UTRN: variants seen among roughly 807,000 people sequenced by gnomAD.
UTRN encodes dystrophin-related protein 1.
In UTRN, 283 loss-of-function variants were observed where a neutral mutation model predicts 463.9. The observed-to-expected ratio is 0.61, with a 90% CI of 0.55 to 0.67. The LOEUF (loss-of-function observed/expected upper bound fraction) is 0.67. Ranked by LOEUF, UTRN falls within the 30% of genes least tolerant of loss-of-function variation. UTRN has a pLI of 0.00. For synonymous variants in UTRN, 1,442 were observed against 1,431.5 expected, an observed-to-expected ratio of 1.01 and a Z score of -0.17; for missense variants, 3,922 against 4,084.3, an observed-to-expected ratio of 0.96 and a Z score of 1.08.
chr6:144,662,716 G>A (rs1373023271), intron 51 of UTRN, among the ~76,000 whole-genome samples: 1 of 152,200 alleles, frequency 6.6e-6, no homozygotes, highest in East Asian at 1.9e-4. Context: ...GCCAACAGCT[G>A]AGCAGCAGGC....
At chr6:144,545,962 G>T (rs1264179741) in intron 46 of UTRN, among the ~76,000 whole-genome samples, 1 of 152,204 alleles carries the variant, frequency 6.6e-6, no homozygotes, top group African/African-American at 2.4e-5. Context: ...GGAGGTTGCA[G>T]TGACCCAAGA....
Position 144,448,647 on chromosome 6 carries a change from G to T in UTRN, c.1950G>T (p.Lys650Asn). 1 of 1,613,938 alleles carries T rather than the reference G, an allele frequency of 6.2e-7. No individual in the cohort carries two copies. The highest frequency in any genetic ancestry group is 2.2e-5 in the East Asian group (1 of 44,866). Reference protein sequence around the residue: ...AKLGMSQIPQKDLLETVRVRE... With the variant: ...AKLGMSQIPQNDLLETVRVRE... ...TGGGGATGTCTCAGATTCCTCAGAA[G>T]GACCTTTTGGAGACTGTTCGTGTAA... The change falls in exon 17 of 75, where the codon AAG becomes AAT. Residue 650 changes from lysine to asparagine, a missense_variant. Coordinates refer to ENST00000367545, the MANE Select transcript of UTRN (RefSeq NM_007124.3).
At chr6:144,691,560 A>T (rs2128692693) in intron 52 of UTRN, among the ~76,000 whole-genome samples, 1 of 151,994 alleles carries the variant, frequency 6.6e-6, no homozygotes, top group East Asian at 1.9e-4. Context: ...CTCTTTTCAG[A>T]CTCCATTAAT....
intron 44 of UTRN, 129 bp downstream of exon 44, chr6:144,537,846 A>C (rs1797665709): frequency 1.6e-6 from 2 of 1,285,088 alleles, no homozygotes; most frequent in Non-Finnish European, 2.1e-6. Flanking sequence ...GGTGAACCTG[A>C]AAGAGGAATA....
intron 51 of UTRN, among the ~76,000 whole-genome samples, chr6:144,666,342 A>C (rs910413589): frequency 6.6e-6 from 1 of 152,120 alleles, no homozygotes; most frequent in Non-Finnish European, 1.5e-5. Context: ...AAGTTCCCCC[A>C]TTAAACTTTT....
chr6:144,714,260 T>A (rs1208377910), intron 53 of UTRN, among the ~76,000 whole-genome samples: 1 of 152,228 alleles, frequency 6.6e-6, no homozygotes, highest in East Asian at 1.9e-4. Context: ...CTGTAATGAC[T>A]TCAGATCCAT....
chr6:144,751,704 A>G (rs2128723620), intron 55 of UTRN, 102 bp from the exon 56 acceptor site: 2 of 1,151,972 alleles, frequency 1.7e-6, no homozygotes, highest in Non-Finnish European at 2.3e-6. Flanking sequence ...ATCTGTGCAT[A>G]TGTGAACCCA....
chr6:144,810,576 C>G (rs1378296640), intron 65 of UTRN, among the ~76,000 whole-genome samples: 1 of 151,584 alleles, frequency 6.6e-6, no homozygotes, highest in Admixed American at 6.6e-5. Context: ...TGAAATAGAG[C>G]AAGGTAATGG....
At chr6:144,649,306 G>A (rs1482565529) in intron 51 of UTRN, among the ~76,000 whole-genome samples, 1 of 152,212 alleles carries the variant, frequency 6.6e-6, no homozygotes, top group Non-Finnish European at 1.5e-5. Context: ...ATGCCTGGTA[G>A]GTAGGATAAG....
intron 57 of UTRN, among the ~76,000 whole-genome samples, chr6:144,756,907 G>C (rs1212718941): frequency 6.6e-6 from 1 of 151,974 alleles, no homozygotes; most frequent in Non-Finnish European, 1.5e-5. Context: ...CTATCAAATG[G>C]AACTTTAACG....
intron 61 of UTRN, among the ~76,000 whole-genome samples, chr6:144,785,586 C>T (rs1213216573): frequency 1.3e-5 from 2 of 151,352 alleles, no homozygotes; most frequent in Non-Finnish European, 2.9e-5. Context: ...TACCCACCTC[C>T]TGATATTCTG....
intron 4 of UTRN, 98 bp from the exon 5 acceptor site, chr6:144,423,451 T>C: frequency 6.5e-6 from 8 of 1,232,998 alleles, no homozygotes; most frequent in Non-Finnish European, 9.4e-6. Flanking sequence ...AGGGGCCCTG[T>C]ACGCTGAGCT....
chr6:144,372,549 C>T (rs751790548), intron 2 of UTRN, among the ~76,000 whole-genome samples: 4 of 151,830 alleles, frequency 2.6e-5, no homozygotes, highest in Non-Finnish European at 1.5e-5. Context: ...GACTGGAGTG[C>T]AGTGGTGTGA....
chr6:144,548,953 A>G lies in UTRN; in HGVS notation c.6810+99A>G, dbSNP rs926945841. 575 of 1,263,444 alleles carry G rather than the reference A, an allele frequency of 4.6e-4. 3 individuals are homozygous for G. The highest frequency in any genetic ancestry group is 6.8e-4 in the East Asian group (27 of 39,848). 78.3% of individuals were successfully genotyped at this position (1,263,444 alleles called of 1,614,324 possible). ...TTTGTTTATCCTAAACTATGAGAGA[A>G]TGAGGTTTAAAAAATTCTGTATCTG... On this transcript the variant is annotated intron_variant, in intron 47 of 74. Transcript: ENST00000367545.
In UTRN at chr6:144,458,923, T is replaced by G. The variant is rs779651859; in HGVS notation, c.2438T>G (p.Val813Gly). ...YFKQLDELEK[V>G]IKTKEEWVKH... ...AAGCAGCTTGATGAGCTTGAAAAGG[T>G]CATCAAGACAAAGGAGGAGTGGGTA... Residue 813 changes from valine to glycine, a missense_variant, in exon 20 of 75, where the codon GTC becomes GGC. By Grantham distance (109) the Val-to-Gly change is moderately radical. Coordinates refer to ENST00000367545, the MANE Select transcript of UTRN (RefSeq NM_007124.3). The G allele has an allele frequency of 5.6e-6, 9 of 1,613,814 alleles. No homozygotes were observed. Among genetic ancestry groups the G allele is most frequent in the Non-Finnish European group, 6.8e-6 (8 of 1,179,950 alleles).
chr6:144,731,638 TA>T lies in UTRN; in HGVS notation c.7939+1154del, dbSNP rs569815868. Among the ~76,000 whole-genome samples, 12 of 152,260 alleles carry T rather than the reference TA, an allele frequency of 7.9e-5. No individual in the cohort carries two copies. In the East Asian group the frequency reaches 2.1e-3, roughly 27 times the overall value. On this transcript the variant is annotated intron_variant, in intron 54 of 74. Coordinates refer to ENST00000367545, the MANE Select transcript of UTRN (RefSeq NM_007124.3). ...CCGAATAAATTTCCCATCAAGACCA[TA>T]ATCTTTTTGACTCTCTGAAACTAGT... is the stretch of plus-strand genomic sequence containing the variant.
chr6:144,517,525 T>C lies in UTRN; in HGVS notation c.5541+577T>C, dbSNP rs572664583. Among the ~76,000 whole-genome samples the C allele has an allele frequency of 2.6e-5, 4 of 152,258 alleles. No individual in the cohort carries two copies. The East Asian group carries it at 7.7e-4, about 29-fold the overall frequency. ...CCAGCTCTTTTTTAAACGGCAATCT[T>C]TCTAGCTGCATTTTAAGTGTGCTGT... On this transcript the variant is annotated intron_variant, in intron 39 of 74. Transcript: ENST00000367545.
chr6:144,462,581 A>G, intron 22 of UTRN, 73 bp from the exon 23 acceptor site: 1 of 1,384,708 alleles, frequency 7.2e-7, no homozygotes. Flanking sequence ...TTTTGACTTT[A>G]TATAGCCCAT....
intron 34 of UTRN, among the ~76,000 whole-genome samples, chr6:144,504,102 T>C (rs1794480741): frequency 6.6e-6 from 1 of 152,312 alleles, no homozygotes; most frequent in Admixed American, 6.5e-5. Context: ...TCCTGAGACT[T>C]TGCTGAAATT....
Sources: allele counts gnomAD v4.1 joint callset (sites outside exome capture counted in the v4.1 genomes callset), GRCh38; gene constraint gnomAD v4.1.1; transcripts MANE v1.5; gene names NCBI Gene and HGNC (gene_info 2026-07-23, HGNC 2026-07-21).